The following C4orf51 variants were observed in gnomAD, a reference collection of about 807,000 sequenced individuals.
The protein encoded by C4orf51 is uncharacterized protein C4orf51.
C4orf51 carries 25 observed loss-of-function variants against 25.2 expected under a neutral mutation model. The observed-to-expected ratio is 0.99, with a 90% CI of 0.72 to 1.39. C4orf51 has a LOEUF of 1.39. Among genes scored for constraint, C4orf51 ranks in the 40% most tolerant of loss-of-function variants. The probability of loss-of-function intolerance (pLI) is 0.00; values close to 1 mark genes in which losing one functional copy is unlikely to be tolerated. For synonymous variants in C4orf51, 100 were observed against 84.5 expected (o/e 1.18, Z -1.01); for missense variants, 252 against 239.6 (o/e 1.05, Z -0.34).
At chr4:145,731,184 A>C (rs779999967) in intron 5 of C4orf51, among the ~76,000 whole-genome samples, 8 of 152,142 alleles carry the variant, frequency 5.3e-5, no homozygotes, top group Admixed American at 3.9e-4. Flanking sequence ...GTTGCTTGGG[A>C]GAATCATTAA....
chr4:145,743,158 C>T (rs1733190638), intron 1 of C4orf51, among the ~76,000 whole-genome samples: 1 of 152,128 alleles, frequency 6.6e-6, no homozygotes, highest in Admixed American at 6.6e-5. Flanking sequence ...CAGTTTAGGA[C>T]ATTTGGAACA....
chr4:145,729,947 G>T lies in C4orf51; in HGVS notation c.483G>T (p.Gly161=). 6.2e-7 allele frequency: 1 copy of T among 1,613,942 alleles called. No homozygotes were observed. Among genetic ancestry groups the T allele is most frequent in the Non-Finnish European group, 8.5e-7 (1 of 1,179,826 alleles). Residue 161 remains glycine (G), a synonymous_variant, in exon 5 of 6, where the codon GGG becomes GGT. Transcript: ENST00000438731. The stretch of plus-strand genomic sequence containing the variant: ...CCCTGATAAACTACAGTCGACGAGG[G>T]AAAGGTGTCCTAAAGCATGTAAGAA... ...QEALINYSRR[G]KGVLKHLHGR...
At chr4:145,757,187 T>C (rs1480835084), downstream of C4orf51, among the ~76,000 whole-genome samples, 2 of 152,238 alleles carry the variant, frequency 1.3e-5, no homozygotes, top group Non-Finnish European at 2.9e-5. Flanking sequence ...TAGATTATTA[T>C]TTAGTTTGCA....
chr4:145,780,182 C>T, the C4orf51 span, among the ~76,000 whole-genome samples: 2 of 131,040 alleles, frequency 1.5e-5, no homozygotes, highest in Non-Finnish European at 3.2e-5. Flanking sequence ...CAGAGTGAGA[C>T]GCTGTCTCAA....
chr4:145,722,776 A>G (rs1422127540), intron 2 of C4orf51, among the ~76,000 whole-genome samples: 1 of 152,170 alleles, frequency 6.6e-6, no homozygotes, highest in African/African-American at 2.4e-5. Flanking sequence ...GCCACTCCCC[A>G]TGGTTGGCAC....
At chr4:145,744,100 A>G (rs1733236751) in intron 1 of C4orf51, among the ~76,000 whole-genome samples, 2 of 152,174 alleles carry the variant, frequency 1.3e-5, no homozygotes, top group South Asian at 4.1e-4. Context: ...ATTCCTTATC[A>G]GCTGCCAACA....
Position 145,732,471 on chromosome 4 carries a change from T to G in C4orf51, c.520T>G (p.Ser174Ala), listed in dbSNP as rs74531946. 5.5e-3 allele frequency: 8,807 copies of G among 1,610,404 alleles called. 213 individuals carry two copies. In the African/African-American group the frequency reaches 0.072, roughly 13 times the overall value. The change falls in exon 6 of 6, where the codon TCT (serine) becomes GCT (alanine). Residue 174 changes from serine to alanine, a missense_variant. Ser to Ala is a moderately conservative substitution (Grantham distance 99, BLOSUM62 1). Transcript: ENST00000438731. ...VLKHLHGRCD[S>A]ESKVCSSEDS... The stretch of plus-strand genomic sequence containing the variant: ...TCTCCAGCTTCATGGACGGTGCGAT[T>G]CTGAAAGCAAGGTTTGCTCATCTGA...
intron 2 of C4orf51, among the ~76,000 whole-genome samples, chr4:145,721,988 T>G (rs1483839754): frequency 1.3e-5 from 2 of 152,186 alleles, no homozygotes; most frequent in African/African-American, 4.8e-5. Flanking sequence ...TTTCCTTTTT[T>G]TGTGTGTGTG....
chr4:145,752,611 G>A (rs1333439520), intron 1 of C4orf51, among the ~76,000 whole-genome samples: 2 of 152,180 alleles, frequency 1.3e-5, no homozygotes, highest in African/African-American at 4.8e-5. Context: ...ACTGCCTGGG[G>A]TTGGTGGAGG....
At chr4:145,789,819 A>T in the C4orf51 span, among the ~76,000 whole-genome samples, 6 of 152,240 alleles carry the variant, frequency 3.9e-5, no homozygotes, top group African/African-American at 1.4e-4. Flanking sequence ...AGCATCCATG[A>T]TCACATAAAT....
downstream of C4orf51, among the ~76,000 whole-genome samples, chr4:145,757,319 A>G (rs1452448989): frequency 6.6e-6 from 1 of 152,204 alleles, no homozygotes; most frequent in Non-Finnish European, 1.5e-5. Flanking sequence ...GTTAAGCAGG[A>G]GAGGATAGGG....
At chr4:145,742,529 C>CTTTT in intron 1 of C4orf51, among the ~76,000 whole-genome samples, 1 of 98,894 alleles carries the variant, frequency 1.0e-5, no homozygotes, top group Non-Finnish European at 2.0e-5. Flanking sequence ...TTTTCTTTTT[C>CTTTT]TTGTTTTTTT....
intron 2 of C4orf51, among the ~76,000 whole-genome samples, chr4:145,703,968 C>T (rs1217991594): frequency 6.6e-6 from 1 of 152,160 alleles, no homozygotes; most frequent in Non-Finnish European, 1.5e-5. Context: ...CATGCATCCA[C>T]GGGAGCCTTC....
At position 145,680,351 on chromosome 4, in the gene C4orf51, G is replaced by A. The variant is rs1328160747; in HGVS notation, c.148G>A (p.Gly50Ser). Residue 50 changes from glycine (G) to serine (S), a missense_variant, in exon 1 of 6, where the codon GGC becomes AGC. Physicochemically the swap from Gly to Ser is moderately conservative, Grantham distance 56 (BLOSUM62 0). Coordinates refer to ENST00000438731, the MANE Select transcript of C4orf51 (RefSeq NM_001080531.3). ...WSDSSVTTYT[G>S]SYRKKQLDKS... Reference sequence around the variant, plus strand: ...AGATTCTTCCGTGACAACATACACAGGCAGTTACCGGAAAAAACAACTGGA... The same window carrying A: ...AGATTCTTCCGTGACAACATACACAAGCAGTTACCGGAAAAAACAACTGGA... 6.2e-7 allele frequency: 1 copy of A among 1,613,934 alleles called. No individual in the cohort carries two copies. Among genetic ancestry groups the A allele is most frequent in the Non-Finnish European group, 8.5e-7 (1 of 1,179,866 alleles).
intron 2 of C4orf51, among the ~76,000 whole-genome samples, chr4:145,720,827 C>G (rs878929755): frequency 2.6e-5 from 4 of 152,168 alleles, no homozygotes; most frequent in African/African-American, 9.7e-5. Flanking sequence ...TGCTCCCTCA[C>G]CTAATCACTG....
chr4:145,774,665 C>G (rs1269821412), downstream of C4orf51: 1 of 1,613,392 alleles, frequency 6.2e-7, no homozygotes, highest in East Asian at 2.2e-5. Flanking sequence ...AATCCACACA[C>G]GTGACAACTA....
chr4:145,754,194 C>T (rs1733824263), intron 1 of C4orf51: 1 of 152,218 alleles, frequency 6.6e-6, no homozygotes, highest in Admixed American at 6.5e-5. Context: ...CCTTATTCTA[C>T]CTTTTGTTGT....
chr4:145,733,217 C>A (rs1380226342), downstream of C4orf51, among the ~76,000 whole-genome samples: 7 of 152,030 alleles, frequency 4.6e-5, no homozygotes, highest in African/African-American at 1.4e-4. Context: ...CCCGCCGGAG[C>A]GGCCGTCTCC....
chr4:145,775,619 G>T (rs977377055), downstream of C4orf51, among the ~76,000 whole-genome samples: 1 of 152,228 alleles, frequency 6.6e-6, no homozygotes, highest in Admixed American at 6.5e-5. Flanking sequence ...AACCAAGAGA[G>T]GAGTCTGTGC....
Sources: gnomAD v4.1 joint callset for allele counts (sites outside exome capture counted in the v4.1 genomes callset) on GRCh38, gnomAD v4.1.1 for gene constraint, MANE v1.5 for transcripts, NCBI Gene and HGNC (gene_info 2026-07-23, HGNC 2026-07-21) for gene names.